Variants in LRRIQ1 observed in about 807,000 individuals in gnomAD.
LRRIQ1 encodes the protein leucine rich repeats and IQ motif containing 1, also known as leucine-rich repeat- and IQ domain-containing protein 1.
A neutral mutation model predicts 211.9 loss-of-function variants in LRRIQ1; 210 were observed. The ratio of observed to expected loss-of-function variants is 0.99; its 90% CI spans 0.89 to 1.11. The LOEUF (loss-of-function observed/expected upper bound fraction) is 1.11. Among genes scored for constraint, LRRIQ1 ranks in the 50% most tolerant of loss-of-function variants. The pLI is 0.00. For synonymous variants in LRRIQ1, 699 were observed against 650.1 expected, an observed-to-expected ratio of 1.08 and a Z score of -1.14; for missense variants, 2,136 against 1,939.5, an observed-to-expected ratio of 1.10 and a Z score of -1.90.
chr12:85,121,688 T>G lies in LRRIQ1; in HGVS notation c.3378-9T>G, dbSNP rs746645087. ...TCAGGATTATTAACTTTTTTGTTGTTTTCAATAGGGATTCTCTACTTAAAG... is the reference window on the plus strand; with the variant it reads ...TCAGGATTATTAACTTTTTTGTTGTGTTCAATAGGGATTCTCTACTTAAAG... On this transcript the variant is annotated splice_polypyrimidine_tract_variant and intron_variant, in intron 15 of 26. Coordinates refer to ENST00000393217, the MANE Select transcript of LRRIQ1 (RefSeq NM_001079910.2). 2 of 1,553,958 alleles carry G rather than the reference T, an allele frequency of 1.3e-6. No homozygotes were observed. The highest frequency in any genetic ancestry group is 1.7e-6 in the Non-Finnish European group (2 of 1,152,250).
intron 19 of LRRIQ1, among the ~76,000 whole-genome samples, chr12:85,145,632 T>C (rs986900184): frequency 9.9e-5 from 15 of 151,660 alleles, no homozygotes; most frequent in Admixed American, 4.6e-4. Flanking sequence ...CCAAGTTCCA[T>C]AGGAGGAAAT....
At chr12:85,237,520 C>T (rs1895246232) in intron 26 of LRRIQ1, among the ~76,000 whole-genome samples, 1 of 151,988 alleles carries the variant, frequency 6.6e-6, no homozygotes, top group African/African-American at 2.4e-5. Flanking sequence ...CACTATGTGA[C>T]TCATTGAGGT....
chr12:85,175,670 AT>A (rs1173940815), intron 24 of LRRIQ1, among the ~76,000 whole-genome samples: 2 of 151,976 alleles, frequency 1.3e-5, no homozygotes, highest in African/African-American at 4.8e-5. Context: ...TCCATCTTGA[AT>A]TGATTTTTGT....
chr12:85,109,524 A>C (rs1887017634), intron 15 of LRRIQ1, among the ~76,000 whole-genome samples: 1 of 152,098 alleles, frequency 6.6e-6, no homozygotes, highest in South Asian at 2.1e-4. Flanking sequence ...TCCAGTTTAG[A>C]AATGTCTTTT....
chr12:85,038,841 T>G (rs1043070848), intron 2 of LRRIQ1, among the ~76,000 whole-genome samples: 3 of 151,474 alleles, frequency 2.0e-5, no homozygotes, highest in Admixed American at 1.3e-4. Flanking sequence ...ATCATATGTC[T>G]TACTGATAGT....
At chr12:85,155,812 C>T (rs1446951805) in intron 23 of LRRIQ1, among the ~76,000 whole-genome samples, 3 of 151,682 alleles carry the variant, frequency 2.0e-5, no homozygotes, top group Non-Finnish European at 3.0e-5. Context: ...CTTGCCAACT[C>T]TTGTAATTGA....
chr12:85,037,628 G>A (rs1249038573), intron 1 of LRRIQ1, among the ~76,000 whole-genome samples: 2 of 151,900 alleles, frequency 1.3e-5, no homozygotes, highest in African/African-American at 4.8e-5. Flanking sequence ...AGGGAAAGAG[G>A]ATGGAAAGAA....
At chr12:85,143,178 TG>T (rs1889660890) in intron 19 of LRRIQ1, among the ~76,000 whole-genome samples, 1 of 151,740 alleles carries the variant, frequency 6.6e-6, no homozygotes, top group Admixed American at 6.6e-5. Flanking sequence ...TATCTCATTG[TG>T]GTTTTAATCT....
intron 24 of LRRIQ1, among the ~76,000 whole-genome samples, chr12:85,208,953 T>A (rs1893700380): frequency 6.6e-6 from 1 of 152,184 alleles, no homozygotes; most frequent in African/African-American, 2.4e-5. Flanking sequence ...TTAGCAAGCA[T>A]TCTTGACCCT....
At chr12:85,200,713 G>T (rs1423557171) in intron 24 of LRRIQ1, among the ~76,000 whole-genome samples, 1 of 152,078 alleles carries the variant, frequency 6.6e-6, no homozygotes, top group Non-Finnish European at 1.5e-5. Flanking sequence ...TGTGGTTTTT[G>T]TTTTAGTTCT....
intron 11 of LRRIQ1, chr12:85,076,725 A>G: frequency 5.7e-6 from 1 of 175,874 alleles, no homozygotes; most frequent in Non-Finnish European, 1.1e-5. Flanking sequence ...AAAATAAAGT[A>G]AGAACTCTAG....
intron 1 of LRRIQ1, among the ~76,000 whole-genome samples, chr12:85,257,073 A>AAT (rs1167550949): frequency 3.1e-4 from 33 of 106,758 alleles, no homozygotes; most frequent in East Asian, 9.7e-4. Flanking sequence ...TAATTATATA[A>AAT]ATATATATAA....
intron 15 of LRRIQ1, among the ~76,000 whole-genome samples, chr12:85,108,070 T>C (rs1886910360): frequency 6.6e-6 from 1 of 152,176 alleles, no homozygotes; most frequent in South Asian, 2.1e-4. Flanking sequence ...CTCTGCTTCA[T>C]TGCATGCCTG....
At chr12:85,260,706 A>G (rs1347164623) in intron 1 of LRRIQ1, among the ~76,000 whole-genome samples, 1 of 152,154 alleles carries the variant, frequency 6.6e-6, no homozygotes, top group Non-Finnish European at 1.5e-5. Flanking sequence ...ATATTTACAA[A>G]CAATTTTTAC....
intron 18 of LRRIQ1, among the ~76,000 whole-genome samples, chr12:85,129,094 C>A (rs1192872798): frequency 1.3e-5 from 2 of 152,142 alleles, no homozygotes; most frequent in African/African-American, 4.8e-5. Context: ...ACTGGCGGTA[C>A]CTTACCAATT....
intron 24 of LRRIQ1, among the ~76,000 whole-genome samples, chr12:85,196,041 CAG>C (rs1403742246): frequency 6.6e-6 from 1 of 151,994 alleles, no homozygotes; most frequent in Non-Finnish European, 1.5e-5. Context: ...AACAGACAAA[CAG>C]AGAGCCAAAT....
intron 24 of LRRIQ1, among the ~76,000 whole-genome samples, chr12:85,197,991 ATTATATATAACATATATAATATATTATAT>A (rs1412709425): frequency 1.7e-5 from 1 of 60,086 alleles, no homozygotes; most frequent in East Asian, 3.4e-4. Context: ...TATATTATAT[ATTATATATAACATATATAATATATTATAT>A]TATTATATAT....
At chr12:85,054,358 G>GCA (rs759242177) in intron 7 of LRRIQ1, among the ~76,000 whole-genome samples, 7 of 152,146 alleles carry the variant, frequency 4.6e-5, no homozygotes, top group Non-Finnish European at 1.0e-4. Context: ...CTAAAAAGGA[G>GCA]CACAGTAAAA....
At position 85,074,367 on chromosome 12, in the gene LRRIQ1, T is replaced by C. The variant is rs553509660; in HGVS notation, c.2887+1269T>C. 1.0e-3 allele frequency among the ~76,000 whole-genome samples: 159 copies of C among 152,096 alleles called. 1 individual carries two copies. The highest frequency in any genetic ancestry group is 4.3e-3 in the Admixed American group (65 of 15,264). On this transcript the variant is annotated intron_variant, in intron 11 of 26. Coordinates refer to ENST00000393217, the MANE Select transcript of LRRIQ1 (RefSeq NM_001079910.2). ...TATGGGATAATGTGATGTTTTGACA[T>C]AGGCATGCAATGTGAAATAATCATA...
Sources: gnomAD v4.1 joint callset for allele counts (sites outside exome capture counted in the v4.1 genomes callset) on GRCh38, gnomAD v4.1.1 for gene constraint, MANE v1.5 for transcripts, NCBI Gene and HGNC (gene_info 2026-07-23, HGNC 2026-07-21) for gene names.